Variants in SNTG1 observed in about 807,000 individuals in gnomAD.
SNTG1 encodes the protein gamma-1-syntrophin.
SNTG1 carries 39 observed loss-of-function variants against 74.7 expected under a neutral mutation model. The observed-to-expected ratio is 0.52, with a 90% confidence interval of 0.40 to 0.68. SNTG1 has a LOEUF of 0.68. Among genes scored for constraint, SNTG1 ranks in the 30% least tolerant of loss-of-function variants. The pLI, the probability that SNTG1 is intolerant of heterozygous loss-of-function variation, is 0.00. For synonymous variants in SNTG1, 254 were observed against 217.1 expected, an observed-to-expected ratio of 1.17 and a Z score of -1.49; for missense variants, 685 against 609.5, an observed-to-expected ratio of 1.12 and a Z score of -1.30.
At position 50,751,994 on chromosome 8, in the gene SNTG1, C is replaced by T. The variant is rs1472503092; in HGVS notation, c.1285-7C>T. 2.0e-6 allele frequency: 3 copies of T among 1,516,484 alleles called. No individual in the cohort carries two copies. Among genetic ancestry groups the T allele is most frequent in the Non-Finnish European group, 8.8e-7 (1 of 1,134,656 alleles). The allele number at this position is 1,516,484 out of a possible 1,614,324, so 93.9% of individuals were successfully genotyped here. ...CCGACTTACATTGTTTTTTTTCCCCCCTTTAGGCTGTCCTTTGGAGGTATA... is the reference window on the plus strand; with the variant it reads ...CCGACTTACATTGTTTTTTTTCCCCTCTTTAGGCTGTCCTTTGGAGGTATA... On this transcript the variant is annotated splice_region_variant and splice_polypyrimidine_tract_variant and intron_variant, in intron 17 of 18. Transcript: ENST00000642720.
chr8:50,579,422 CA>C, intron 12 of SNTG1, among the ~76,000 whole-genome samples: 1 of 152,302 alleles, frequency 6.6e-6, no homozygotes, highest in South Asian at 2.1e-4. Flanking sequence ...CTGCAGACAT[CA>C]GCATAAGTAG....
At chr8:50,334,910 T>C (rs900810154) in intron 2 of SNTG1, among the ~76,000 whole-genome samples, 1 of 152,198 alleles carries the variant, frequency 6.6e-6, no homozygotes, top group Non-Finnish European at 1.5e-5. Context: ...CTTGAAAATA[T>C]AGTTAATTGT....
At chr8:50,738,249 T>G (rs538935202) in intron 17 of SNTG1, among the ~76,000 whole-genome samples, 1 of 152,206 alleles carries the variant, frequency 6.6e-6, no homozygotes, top group Non-Finnish European at 1.5e-5. Flanking sequence ...ATCACAAGCT[T>G]TCCTATACAC....
intron 1 of SNTG1, among the ~76,000 whole-genome samples, chr8:49,979,155 C>T (rs140793769): frequency 6.6e-6 from 1 of 152,294 alleles, no homozygotes; most frequent in African/African-American, 2.4e-5. Context: ...AAGGACTGTC[C>T]CTTATGGCTT....
intron 1 of SNTG1, among the ~76,000 whole-genome samples, chr8:50,027,744 C>A (rs1044709920): frequency 6.6e-6 from 1 of 152,220 alleles, no homozygotes; most frequent in Non-Finnish European, 1.5e-5. Flanking sequence ...TTTGTACCAA[C>A]ACCCAAGGAC....
chr8:50,122,769 A>C (rs17842001), intron 1 of SNTG1, among the ~76,000 whole-genome samples: 13,230 of 141,008 alleles, frequency 0.094, 3,110 homozygotes, highest in African/African-American at 0.32. Flanking sequence ...ACAGAGAAGA[A>C]ATTCAAGAGA....
At chr8:50,574,070 C>T (rs1318606411) in intron 12 of SNTG1, among the ~76,000 whole-genome samples, 1 of 151,946 alleles carries the variant, frequency 6.6e-6, no homozygotes, top group Non-Finnish European at 1.5e-5. Context: ...AACATCTCAA[C>T]CCATTTATGC....
chr8:50,154,746 G>A (rs2082198543), intron 1 of SNTG1, among the ~76,000 whole-genome samples: 1 of 152,096 alleles, frequency 6.6e-6, no homozygotes, highest in Admixed American at 6.6e-5. Context: ...AACTATCAAG[G>A]TCATAGAAAA....
chr8:50,735,310 G>A (rs2095525471), intron 17 of SNTG1, among the ~76,000 whole-genome samples: 1 of 151,338 alleles, frequency 6.6e-6, no homozygotes, highest in Non-Finnish European at 1.5e-5. Flanking sequence ...ACTAATATTA[G>A]ACAAAAACTC....
chr8:50,324,938 CATATATATATATATATATATAT>C (rs201152206), intron 2 of SNTG1, among the ~76,000 whole-genome samples: 2 of 134,010 alleles, frequency 1.5e-5, no homozygotes, highest in African/African-American at 5.9e-5. Context: ...GCATTTTATA[CATATATATATATATATATATAT>C]ATATATATAT....
At chr8:50,079,244 C>T (rs556842525) in intron 1 of SNTG1, among the ~76,000 whole-genome samples, 177 of 152,252 alleles carry the variant, frequency 1.2e-3, no homozygotes, top group African/African-American at 4.2e-3. Flanking sequence ...TTTTAACGAT[C>T]GCCATTCTAA....
At chr8:50,649,573 T>A (rs1487386482) in intron 13 of SNTG1, among the ~76,000 whole-genome samples, 1 of 152,164 alleles carries the variant, frequency 6.6e-6, no homozygotes, top group Non-Finnish European at 1.5e-5. Flanking sequence ...CACCAAAATT[T>A]ATCTCTTTCT....
In SNTG1 at chr8:50,538,398, A is replaced by G. The variant is rs1194664382; in HGVS notation, c.680+1590A>G. 2.0e-5 allele frequency among the ~76,000 whole-genome samples: 3 copies of G among 152,068 alleles called. No homozygotes were observed. The East Asian group carries it at 5.8e-4, about 29-fold the overall frequency. On this transcript the variant is annotated intron_variant, in intron 11 of 18. Coordinates refer to ENST00000642720, the MANE Select transcript of SNTG1 (RefSeq NM_018967.5). ...TTCTTTTACCGCTTCCTTTCTGCTT[A>G]ATTTTTTTAGACATTCTTTAAAGGT...
intron 1 of SNTG1, among the ~76,000 whole-genome samples, chr8:49,963,017 G>A (rs1210235898): frequency 6.6e-6 from 1 of 152,226 alleles, no homozygotes; most frequent in African/African-American, 2.4e-5. Flanking sequence ...GCCAGAGGCG[G>A]GAAGCGCAAT....
intron 1 of SNTG1, among the ~76,000 whole-genome samples, chr8:50,036,286 T>C (rs1180759149): frequency 1.3e-5 from 2 of 152,224 alleles, no homozygotes; most frequent in Non-Finnish European, 2.9e-5. Context: ...ATGACGTCTC[T>C]ATGCAGCTCC....
rs144471371 is a variant in SNTG1, at chr8:50,084,895, C to G, written c.-102-87666C>G. Among the ~76,000 whole-genome samples the G allele has an allele frequency of 4.9e-3, 745 of 152,318 alleles. 8 individuals carry two copies. The highest frequency in any genetic ancestry group is 0.017 in the African/African-American group (688 of 41,574). On this transcript the variant is annotated intron_variant, in intron 1 of 18. Coordinates refer to ENST00000642720, the MANE Select transcript of SNTG1 (RefSeq NM_018967.5). ...TATGACACAGCAAGAAGGCCTTCACCAGATGTGGCCACTTGATCTTGGGCT... is the reference window on the plus strand; with the variant it reads ...TATGACACAGCAAGAAGGCCTTCACGAGATGTGGCCACTTGATCTTGGGCT...
At position 50,500,026 on chromosome 8, in the gene SNTG1, CTT is replaced by C. The variant is rs565445124; in HGVS notation, c.364-2751_364-2750del. Among the ~76,000 whole-genome samples, 536 of 152,008 alleles carry C rather than the reference CTT, an allele frequency of 3.5e-3. 3 individuals are homozygous for C. The highest frequency in any genetic ancestry group is 7.3e-3 in the South Asian group (35 of 4,826). On this transcript the variant is annotated intron_variant, in intron 8 of 18. Coordinates refer to ENST00000642720, the MANE Select transcript of SNTG1 (RefSeq NM_018967.5). The stretch of plus-strand genomic sequence containing the variant: ...TTGCAATATTTTTATTATGATGTGT[CTT>C]AGCGTAGATTTATTTGGCAGGATTC...
intron 17 of SNTG1, among the ~76,000 whole-genome samples, chr8:50,725,623 G>A (rs968538306): frequency 7.2e-5 from 11 of 151,876 alleles, no homozygotes; most frequent in Middle Eastern, 3.4e-3. Context: ...GTTTTTCACC[G>A]CCCCGTTGAA....
intron 1 of SNTG1, among the ~76,000 whole-genome samples, chr8:49,996,325 T>G (rs1184406418): frequency 6.6e-6 from 1 of 151,992 alleles, no homozygotes; most frequent in Non-Finnish European, 1.5e-5. Context: ...TCCTTATTAT[T>G]CAATAAGTGT....
Sources: allele counts gnomAD v4.1 joint callset (sites outside exome capture counted in the v4.1 genomes callset), GRCh38; gene constraint gnomAD v4.1.1; transcripts MANE v1.5; gene names NCBI Gene and HGNC (gene_info 2026-07-23, HGNC 2026-07-21).